The following DRGX variants were observed in gnomAD, a reference collection of about 807,000 sequenced individuals.
The protein encoded by DRGX is dorsal root ganglia homeobox, also known as dorsal root ganglia homeobox protein.
A neutral mutation model predicts 28.6 loss-of-function variants in DRGX; 21 were observed. The observed-to-expected ratio is 0.73, with a 90% CI of 0.52 to 1.06. DRGX has a LOEUF of 1.06. Among genes scored for constraint, DRGX ranks in the 50% least tolerant of loss-of-function variants. The probability of loss-of-function intolerance (pLI) is 0.00; values close to 1 mark genes in which losing one functional copy is unlikely to be tolerated. For synonymous variants in DRGX, 136 were observed against 139.1 expected, an observed-to-expected ratio of 0.98 and a Z score of 0.16; for missense variants, 354 against 343.9, an observed-to-expected ratio of 1.03 and a Z score of -0.23.
intron 2 of DRGX, among the ~76,000 whole-genome samples, chr10:49,393,066 A>T (rs1849927558): frequency 6.6e-6 from 1 of 152,310 alleles, no homozygotes. Context: ...ATCTATAAAT[A>T]TATTTGTAAT....
intron 6 of DRGX, among the ~76,000 whole-genome samples, chr10:49,383,899 AGC>A (rs1849804179): frequency 6.6e-6 from 1 of 152,272 alleles, no homozygotes; most frequent in South Asian, 2.1e-4. Flanking sequence ...ACTGTGTTAT[AGC>A]AGCCTGAACC....
At chr10:49,387,219 G>C (rs1849849960) in intron 4 of DRGX, among the ~76,000 whole-genome samples, 1 of 152,140 alleles carries the variant, frequency 6.6e-6, no homozygotes, top group African/African-American at 2.4e-5. Flanking sequence ...ACCTGACCCG[G>C]GGCTTCCTCA....
At chr10:49,393,493 T>C (rs1221894393) in intron 2 of DRGX, among the ~76,000 whole-genome samples, 1 of 152,252 alleles carries the variant, frequency 6.6e-6, no homozygotes, top group Non-Finnish European at 1.5e-5. Context: ...GTAGTACTTT[T>C]TAATGTAACA....
rs573855903 is a variant in DRGX at position 49,364,499 on chromosome 10, A to G, written c.*1617T>C. 1.5e-4 allele frequency: 23 copies of G among 152,344 alleles called. No homozygotes were observed. Among genetic ancestry groups the G allele is most frequent in the African/African-American group, 5.5e-4 (23 of 41,584 alleles). 9.4% of individuals were successfully genotyped at this position (152,344 alleles called of 1,614,324 possible). On this transcript the variant is annotated 3_prime_UTR_variant, in exon 7 of 7. Coordinates refer to ENST00000374139, the MANE Select transcript of DRGX (RefSeq NM_001276451.2). ...TATGTACCTTTCTGGAGGAAATACG[A>G]GTTTAATCAAACAATTAGATTGAAG... is the stretch of plus-strand genomic sequence containing the variant.
intron 1 of DRGX, 74 bp from the exon 2 acceptor site, chr10:49,395,595 G>GAA: frequency 1.2e-6 from 1 of 864,754 alleles, no homozygotes. Flanking sequence ...GGCGCACCCG[G>GAA]CGCTCCCCTC....
At chr10:49,395,726 C>A (rs528524252) in intron 1 of DRGX, among the ~76,000 whole-genome samples, 1 of 152,192 alleles carries the variant, frequency 6.6e-6, no homozygotes, top group African/African-American at 2.4e-5. Context: ...CCCGGACGGC[C>A]GTGCCCTCAC....
rs751294967 is a variant in DRGX at position 49,391,165 on chromosome 10, T to C, written c.131A>G (p.Gln44Arg). 1.2e-6 allele frequency: 2 copies of C among 1,613,652 alleles called. No homozygotes were observed. The highest frequency in any genetic ancestry group is 1.7e-6 in the Non-Finnish European group (2 of 1,179,766). ...TGAAAGGAGAATCAACGTTGGTACC[T>C]GCTGAAGAGTGAACGTCGTCCGGTT... ...RRNRTTFTLQ[Q>R]LEALEAVFAQ... The change falls in exon 3 of 7, where the codon CAG (glutamine) becomes CGG (arginine). Residue 44 changes from glutamine (Q) to arginine (R), a missense_variant and splice_region_variant. Gln to Arg is a conservative substitution (Grantham distance 43, BLOSUM62 1). Coordinates refer to ENST00000374139, the MANE Select transcript of DRGX (RefSeq NM_001276451.2).
chr10:49,368,154 C>G (rs911951545), intron 6 of DRGX, among the ~76,000 whole-genome samples: 1 of 152,214 alleles, frequency 6.6e-6, no homozygotes, highest in African/African-American at 2.4e-5. Flanking sequence ...ATTACGGCCA[C>G]CCATAATGTA....
intron 4 of DRGX, among the ~76,000 whole-genome samples, chr10:49,389,575 A>G (rs1382939114): frequency 1.3e-5 from 2 of 152,092 alleles, no homozygotes; most frequent in Non-Finnish European, 2.9e-5. Context: ...CTGTTTAGAG[A>G]CGGTCACCGC....
At chr10:49,376,143 C>A (rs985794586) in intron 6 of DRGX, among the ~76,000 whole-genome samples, 1 of 152,152 alleles carries the variant, frequency 6.6e-6, no homozygotes, top group Admixed American at 6.5e-5. Flanking sequence ...TGCTATGTGA[C>A]CTTGGACAGT....
intron 6 of DRGX, among the ~76,000 whole-genome samples, chr10:49,377,738 C>T (rs908839527): frequency 2.0e-5 from 3 of 152,242 alleles, no homozygotes; most frequent in Non-Finnish European, 4.4e-5. Flanking sequence ...TGCCATCTGA[C>T]TGCAACCTCA....
chr10:49,372,229 T>C (rs937596487), intron 6 of DRGX, among the ~76,000 whole-genome samples: 2 of 152,210 alleles, frequency 1.3e-5, no homozygotes, highest in African/African-American at 2.4e-5. Flanking sequence ...CTCTTTATTA[T>C]GTCATAAGGT....
In DRGX at chr10:49,364,892, C is replaced by A. The variant is rs1359553227; in HGVS notation, c.*1224G>T. The A allele has an allele frequency of 1.3e-5, 2 of 152,220 alleles. No individual in the cohort carries two copies. The highest frequency in any genetic ancestry group is 4.8e-5 in the African/African-American group (2 of 41,444). The allele number at this position is 152,220 out of a possible 1,614,324, so 9.4% of individuals were successfully genotyped here. ...ATGGAAACACCATCAGCAAAAGCCACCAAAGACTGCAACCTTTCCCATGCC... is the reference window on the plus strand; with the variant it reads ...ATGGAAACACCATCAGCAAAAGCCAACAAAGACTGCAACCTTTCCCATGCC... On this transcript the variant is annotated 3_prime_UTR_variant, in exon 7 of 7. Coordinates refer to ENST00000374139, the MANE Select transcript of DRGX (RefSeq NM_001276451.2).
At chr10:49,385,015 C>T (rs1177099423) in intron 6 of DRGX, among the ~76,000 whole-genome samples, 4 of 152,182 alleles carry the variant, frequency 2.6e-5, no homozygotes, top group Non-Finnish European at 5.9e-5. Context: ...CTTTGCCAAG[C>T]GCCAGCCCCT....
intron 2 of DRGX, among the ~76,000 whole-genome samples, chr10:49,392,019 A>C (rs1849912150): frequency 6.6e-6 from 1 of 152,226 alleles, no homozygotes; most frequent in Admixed American, 6.5e-5. Flanking sequence ...CCCACAAAAG[A>C]AAGACATTGT....
rs906177628 is a variant in DRGX, at chr10:49,364,366, A to C, written c.*1750T>G. 3.9e-5 allele frequency: 6 copies of C among 152,256 alleles called. No homozygotes were observed. The highest frequency in any genetic ancestry group is 1.4e-4 in the African/African-American group (6 of 41,462). 9.4% of individuals were successfully genotyped at this position (152,256 alleles called of 1,614,324 possible). On this transcript the variant is annotated 3_prime_UTR_variant, in exon 7 of 7. Coordinates refer to ENST00000374139, the MANE Select transcript of DRGX (RefSeq NM_001276451.2). ...TTACTTAATTGTGTTATTGACGATC[A>C]AAAGTAATTTCCTGAAAGTCCTCAA...
intron 6 of DRGX, among the ~76,000 whole-genome samples, chr10:49,385,144 A>G (rs1262554475): frequency 6.6e-6 from 1 of 152,112 alleles, no homozygotes; most frequent in African/African-American, 2.4e-5. Flanking sequence ...ATGTTGCTCT[A>G]TGGGGTTGGG....
Position 49,366,358 on chromosome 10 carries a change from C to A in DRGX, c.550G>T (p.Val184Phe). Residue 184 changes from valine (V) to phenylalanine (F), a missense_variant, in exon 7 of 7, where the codon GTC becomes TTC. Coordinates refer to ENST00000374139, the MANE Select transcript of DRGX (RefSeq NM_001276451.2). ...LKGGPLCSCC[V>F]PDPMGLSFLP... Reference sequence around the variant, plus strand: ...AAGGAGAGTCCCATGGGGTCTGGGACGCAGCAAGAGCACAGTGGGCCCCCT... The same window carrying A: ...AAGGAGAGTCCCATGGGGTCTGGGAAGCAGCAAGAGCACAGTGGGCCCCCT... The A allele has an allele frequency of 6.2e-7, 1 of 1,611,298 alleles. No individual in the cohort carries two copies. Among genetic ancestry groups the A allele is most frequent in the Non-Finnish European group, 8.5e-7 (1 of 1,178,052 alleles).
At chr10:49,382,322 T>A (rs1293428972) in intron 6 of DRGX, among the ~76,000 whole-genome samples, 1 of 152,136 alleles carries the variant, frequency 6.6e-6, no homozygotes, top group Non-Finnish European at 1.5e-5. Flanking sequence ...CGGTTTCTCA[T>A]TTATAAAAAG....
Sources: allele counts gnomAD v4.1 joint callset (sites outside exome capture counted in the v4.1 genomes callset), GRCh38; gene constraint gnomAD v4.1.1; transcripts MANE v1.5; gene names NCBI Gene and HGNC (gene_info 2026-07-23, HGNC 2026-07-21).